ST6GALNAC5: variants seen among roughly 807,000 people sequenced by gnomAD.
ST6GALNAC5 encodes alpha-N-acetylgalactosaminide alpha-2,6-sialyltransferase 5.
A neutral mutation model predicts 33.6 loss-of-function variants in ST6GALNAC5; 27 were observed. The ratio of observed to expected loss-of-function variants is 0.80; its 90% CI spans 0.59 to 1.11. ST6GALNAC5 has a LOEUF of 1.11. Among genes scored for constraint, ST6GALNAC5 ranks in the 50% least tolerant of loss-of-function variants. ST6GALNAC5 has a pLI of 0.00. For synonymous variants in ST6GALNAC5, 194 were observed against 171.2 expected (o/e 1.13, Z -1.04); for missense variants, 428 against 454.0 (o/e 0.94, Z 0.52).
At chr1:77,027,639 G>A (rs1009752450) in intron 2 of ST6GALNAC5, among the ~76,000 whole-genome samples, 1 of 151,992 alleles carries the variant, frequency 6.6e-6, no homozygotes, top group Non-Finnish European at 1.5e-5. Context: ...GGAAAGGGAG[G>A]GTTTAATGTG....
intron 2 of ST6GALNAC5, among the ~76,000 whole-genome samples, chr1:76,981,778 A>G (rs1102450): frequency 0.79 from 119,499 of 152,086 alleles, 47,233 homozygotes; most frequent in East Asian, 0.93. Context: ...CTTCTGGGAC[A>G]AAGCTTCCAG....
At chr1:77,038,671 A>G (rs947411571) in intron 2 of ST6GALNAC5, among the ~76,000 whole-genome samples, 1 of 152,240 alleles carries the variant, frequency 6.6e-6, no homozygotes, top group East Asian at 1.9e-4. Flanking sequence ...AAGGCTCCAG[A>G]GCAGTCAGCC....
chr1:77,033,567 G>A (rs1306480110), intron 2 of ST6GALNAC5, among the ~76,000 whole-genome samples: 2 of 151,696 alleles, frequency 1.3e-5, no homozygotes, highest in Non-Finnish European at 2.9e-5. Flanking sequence ...AAGAGGTCCT[G>A]GCACATTAGT....
At chr1:76,920,644 C>T (rs1036292161) in intron 2 of ST6GALNAC5, among the ~76,000 whole-genome samples, 1 of 152,168 alleles carries the variant, frequency 6.6e-6, no homozygotes, top group Admixed American at 6.6e-5. Context: ...TGCATAGTCA[C>T]ATGCTGTGTA....
At chr1:76,952,614 A>T (rs557892649) in intron 2 of ST6GALNAC5, among the ~76,000 whole-genome samples, 18 of 152,224 alleles carry the variant, frequency 1.2e-4, no homozygotes, top group Admixed American at 1.2e-3. Context: ...CCCTGATCTG[A>T]TCACTGTCCA....
intron 2 of ST6GALNAC5, among the ~76,000 whole-genome samples, chr1:77,022,015 T>A (rs372995627): frequency 2.3e-4 from 35 of 152,254 alleles, no homozygotes; most frequent in African/African-American, 7.7e-4. Flanking sequence ...CCGTTTGTCT[T>A]TTTTCCCCCA....
intron 2 of ST6GALNAC5, among the ~76,000 whole-genome samples, chr1:76,998,870 C>T (rs6603930): frequency 0.81 from 123,194 of 151,850 alleles, 50,436 homozygotes; most frequent in East Asian, 0.93. Context: ...TTGAAAGTTC[C>T]ATCTTCCGTA....
chr1:76,968,401 C>T lies in ST6GALNAC5; in HGVS notation c.262-75803C>T, dbSNP rs571932403. On this transcript the variant is annotated intron_variant, in intron 2 of 4. Transcript: ENST00000477717. ...TCTGTTTTATCAGAGACTAGGATTG[C>T]AACCCCTGCTTTTTTGCCTTCCATT... Among the ~76,000 whole-genome samples the T allele has an allele frequency of 2.0e-5, 3 of 152,248 alleles. No homozygotes were observed. The East Asian group carries it at 5.8e-4, about 29-fold the overall frequency.
At chr1:76,912,745 A>G (rs567710681) in intron 2 of ST6GALNAC5, among the ~76,000 whole-genome samples, 2 of 151,754 alleles carry the variant, frequency 1.3e-5, no homozygotes, top group African/African-American at 4.8e-5. Flanking sequence ...TAGGATTGCA[A>G]CCCCTGCCTT....
chr1:77,020,347 G>A (rs1031844388), intron 2 of ST6GALNAC5, among the ~76,000 whole-genome samples: 8 of 152,168 alleles, frequency 5.3e-5, no homozygotes, highest in African/African-American at 1.7e-4. Context: ...AGCATTTGGG[G>A]CGTAGGGAGA....
intron 2 of ST6GALNAC5, among the ~76,000 whole-genome samples, chr1:77,033,573 T>G (rs1651540679): frequency 6.6e-6 from 1 of 151,064 alleles, no homozygotes; most frequent in African/African-American, 2.5e-5. Context: ...TCCTGGCACA[T>G]TAGTTGAACA....
chr1:77,023,157 A>G (rs979432540), intron 2 of ST6GALNAC5, among the ~76,000 whole-genome samples: 4 of 152,196 alleles, frequency 2.6e-5, no homozygotes, highest in Non-Finnish European at 5.9e-5. Flanking sequence ...GAAGAAACCC[A>G]ATCTGCCAAC....
intron 2 of ST6GALNAC5, among the ~76,000 whole-genome samples, chr1:76,989,504 T>C (rs1400542908): frequency 6.7e-6 from 1 of 149,956 alleles, no homozygotes; most frequent in Non-Finnish European, 1.5e-5. Context: ...TACAGAAGGA[T>C]ATACTTTATT....
chr1:77,001,779 TG>T (rs2100410712), intron 2 of ST6GALNAC5, among the ~76,000 whole-genome samples: 1 of 149,566 alleles, frequency 6.7e-6, no homozygotes, highest in East Asian at 2.0e-4. Context: ...TCTGTTTATA[TG>T]CTGGATTACA....
chr1:76,958,540 TTAG>T (rs1480260713), intron 2 of ST6GALNAC5, among the ~76,000 whole-genome samples: 3 of 152,148 alleles, frequency 2.0e-5, no homozygotes, highest in Non-Finnish European at 4.4e-5. Flanking sequence ...CAATAAGGTT[TTAG>T]AGAGACTTAA....
At chr1:77,059,665 C>A (rs1359766861) in intron 4 of ST6GALNAC5, among the ~76,000 whole-genome samples, 2 of 152,110 alleles carry the variant, frequency 1.3e-5, no homozygotes, top group African/African-American at 4.8e-5. Flanking sequence ...GAGATACTTT[C>A]AGGTTATGCA....
intron 2 of ST6GALNAC5, among the ~76,000 whole-genome samples, chr1:77,009,816 CAAATTG>C (rs1156917017): frequency 6.6e-6 from 1 of 152,082 alleles, no homozygotes; most frequent in Non-Finnish European, 1.5e-5. Context: ...TTTCTTAGGC[CAAATTG>C]CCAATTTCCT....
At chr1:76,964,853 T>G (rs563061853) in intron 2 of ST6GALNAC5, among the ~76,000 whole-genome samples, 1 of 152,178 alleles carries the variant, frequency 6.6e-6, no homozygotes, top group South Asian at 2.1e-4. Context: ...TGAGAACATG[T>G]GGTGTTTGGT....
intron 2 of ST6GALNAC5, among the ~76,000 whole-genome samples, chr1:77,027,375 G>A (rs534100239): frequency 6.6e-6 from 1 of 152,154 alleles, no homozygotes; most frequent in Non-Finnish European, 1.5e-5. Flanking sequence ...CTTAAGAGGG[G>A]TGACCATTTA....
Sources: gnomAD v4.1 joint callset for allele counts (sites outside exome capture counted in the v4.1 genomes callset) on GRCh38, gnomAD v4.1.1 for gene constraint, MANE v1.5 for transcripts, NCBI Gene and HGNC (gene_info 2026-07-23, HGNC 2026-07-21) for gene names.